Variants in SPAG16 observed in about 807,000 individuals in gnomAD.
SPAG16 encodes sperm-associated antigen 16 protein.
A neutral mutation model predicts 80.4 loss-of-function variants in SPAG16; 86 were observed. The observed-to-expected ratio is 1.07, with a 90% CI of 0.90 to 1.28. The LOEUF is 1.28. Ranked by LOEUF, SPAG16 falls within the 50% of genes most tolerant of loss-of-function variation. The pLI is 0.00. For missense variants in SPAG16, 870 were observed against 765.3 expected (o/e 1.14, Z -1.61); for synonymous variants, 294 against 265.9 (o/e 1.11, Z -1.03).
At chr2:214,176,941 G>T (rs2057106063) in intron 15 of SPAG16, among the ~76,000 whole-genome samples, 1 of 150,744 alleles carries the variant, frequency 6.6e-6, no homozygotes, top group African/African-American at 2.4e-5. Context: ...AGAATTTTAT[G>T]CTAAGCTTTT....
chr2:213,582,204 T>C (rs1003636667), intron 10 of SPAG16, among the ~76,000 whole-genome samples: 2 of 152,148 alleles, frequency 1.3e-5, no homozygotes, highest in African/African-American at 4.8e-5. Context: ...TCCAAAACTT[T>C]TTCTAAGCCT....
chr2:213,407,466 G>T (rs2068676223), intron 9 of SPAG16, among the ~76,000 whole-genome samples: 1 of 152,004 alleles, frequency 6.6e-6, no homozygotes, highest in Non-Finnish European at 1.5e-5. Flanking sequence ...GTGTTGAGGG[G>T]TTGAGCCTTC....
chr2:214,292,788 T>G (rs1693889291), intron 15 of SPAG16, among the ~76,000 whole-genome samples: 1 of 152,232 alleles, frequency 6.6e-6, no homozygotes, highest in South Asian at 2.1e-4. Flanking sequence ...TCCAACTTTT[T>G]AAACTTACTT....
intron 10 of SPAG16, among the ~76,000 whole-genome samples, chr2:213,492,943 A>ATT (rs2074328626): frequency 6.6e-6 from 1 of 152,214 alleles, no homozygotes; most frequent in South Asian, 2.1e-4. Context: ...GGCAGTTATT[A>ATT]TTTTTCTCTC....
At chr2:214,247,144 C>A (rs142009676) in intron 15 of SPAG16, among the ~76,000 whole-genome samples, 288 of 152,104 alleles carry the variant, frequency 1.9e-3, no homozygotes, top group African/African-American at 6.6e-3. Flanking sequence ...TGGCTTTAAT[C>A]CTAGCCTTCT....
At chr2:213,965,340 C>G (rs909553990) in intron 12 of SPAG16, among the ~76,000 whole-genome samples, 3 of 152,156 alleles carry the variant, frequency 2.0e-5, no homozygotes, top group Admixed American at 6.5e-5. Context: ...CATCGTAAGT[C>G]GAGAAGCATC....
At chr2:214,199,896 C>A (rs1362179722) in intron 15 of SPAG16, among the ~76,000 whole-genome samples, 10 of 152,078 alleles carry the variant, frequency 6.6e-5, no homozygotes, top group African/African-American at 2.4e-4. Context: ...ATTTGGGTCG[C>A]AGCTTGGTCA....
In SPAG16 at chr2:213,860,469, C is replaced by CATA. The variant is rs1559529567; in HGVS notation, c.1071-2016_1071-2015insATA. On this transcript the variant is annotated intron_variant, in intron 10 of 15. Transcript: ENST00000331683. ...TATATGTATATATATACAGATATATCTATCTATATATATATATACACACAT... is the reference window on the plus strand; with the variant it reads ...TATATGTATATATATACAGATATATCATATATCTATATATATATATACACACAT... Among the ~76,000 whole-genome samples, 744 of 131,108 alleles carry CATA rather than the reference C, an allele frequency of 5.7e-3. 23 individuals carry two copies. The highest frequency in any genetic ancestry group is 0.019 in the African/African-American group (649 of 34,154). 86.0% of individuals were successfully genotyped at this position (131,108 alleles called of 152,430 possible). A position where few individuals can be genotyped will look rare whatever the true frequency, so the allele number is the denominator to read the frequency against.
chr2:213,976,887 C>G (rs1018393133), intron 12 of SPAG16, among the ~76,000 whole-genome samples: 5 of 151,986 alleles, frequency 3.3e-5, no homozygotes, highest in Non-Finnish European at 7.4e-5. Context: ...TGGCTGACAC[C>G]TTCATTTCAG....
rs138546740 is a variant in SPAG16, at chr2:213,862,517, T to C, written c.1103T>C (p.Val368Ala). 6.2e-7 allele frequency: 1 copy of C among 1,614,138 alleles called. No individual in the cohort carries two copies. Among genetic ancestry groups the C allele is most frequent in the East Asian group, 2.2e-5 (1 of 44,880 alleles). ...ATGCAACCCCACAAAGACATCCTAG[T>C]CTCCTGTGGCGAGGACCGACTCTGG... ...VSMQPHKDILVSCGEDRLWKV... is the reference protein window; with the variant it reads ...VSMQPHKDILASCGEDRLWKV... The change falls in exon 11 of 16, where the codon GTC (valine) becomes GCC (alanine). Residue 368 changes from valine (V) to alanine (A), a missense_variant. Val to Ala is a moderately conservative substitution (Grantham distance 64). Coordinates refer to ENST00000331683, the MANE Select transcript of SPAG16 (RefSeq NM_024532.5).
chr2:214,105,236 A>G (rs1275011185), intron 13 of SPAG16, among the ~76,000 whole-genome samples: 2 of 152,128 alleles, frequency 1.3e-5, no homozygotes, highest in Non-Finnish European at 1.5e-5. Flanking sequence ...CTCTTTAAGA[A>G]GGCAAATAGA....
chr2:213,357,256 T>C (rs1176575099), intron 7 of SPAG16, among the ~76,000 whole-genome samples: 1 of 152,178 alleles, frequency 6.6e-6, no homozygotes, highest in Non-Finnish European at 1.5e-5. Flanking sequence ...GAGAGTTCTG[T>C]AGATGTCTGT....
At chr2:213,921,442 G>C (rs1215429600) in intron 11 of SPAG16, among the ~76,000 whole-genome samples, 1 of 152,074 alleles carries the variant, frequency 6.6e-6, no homozygotes, top group Non-Finnish European at 1.5e-5. Flanking sequence ...TGTGAGATGG[G>C]TCTCTTGAAG....
chr2:213,995,343 T>C (rs2046467469), intron 12 of SPAG16, among the ~76,000 whole-genome samples: 1 of 152,106 alleles, frequency 6.6e-6, no homozygotes, highest in South Asian at 2.1e-4. Flanking sequence ...ATTTAAAGCT[T>C]GAGAGCACCA....
At chr2:213,317,705 C>G in intron 5 of SPAG16, 17 of 989,384 alleles carry the variant, frequency 1.7e-5, no homozygotes, top group Non-Finnish European at 2.0e-5. Context: ...TTATAGAAAG[C>G]CGAGAGGAAA....
rs148482466 is a variant in SPAG16, at chr2:213,928,722, G to T, written c.1215-1238G>T. Among the ~76,000 whole-genome samples the T allele has an allele frequency of 3.3e-5, 5 of 152,224 alleles. No homozygotes were observed. In the East Asian group the frequency reaches 9.7e-4, roughly 29 times the overall value. The stretch of plus-strand genomic sequence containing the variant: ...TTGGTCAGTCATGAGGCTTGGTGCC[G>T]TAGAAACAGAGATGAAATGCAATTC... On this transcript the variant is annotated intron_variant, in intron 11 of 15. Transcript: ENST00000331683.
intron 10 of SPAG16, among the ~76,000 whole-genome samples, chr2:213,653,282 A>G (rs2063093530): frequency 6.6e-6 from 1 of 152,186 alleles, no homozygotes; most frequent in South Asian, 2.1e-4. Flanking sequence ...TCCTAATAGT[A>G]AAAAGGATGA....
At chr2:214,296,698 T>C (rs1694159597) in intron 15 of SPAG16, among the ~76,000 whole-genome samples, 1 of 152,148 alleles carries the variant, frequency 6.6e-6, no homozygotes, top group Non-Finnish European at 1.5e-5. Flanking sequence ...TTTTGAGAAG[T>C]GTCTGTTCAT....
At chr2:214,361,396 A>G (rs1385296902) in intron 15 of SPAG16, among the ~76,000 whole-genome samples, 2 of 151,820 alleles carry the variant, frequency 1.3e-5, no homozygotes, top group African/African-American at 4.8e-5. Flanking sequence ...GCTACATTCT[A>G]CACATAAACA....
Sources: allele counts gnomAD v4.1 joint callset (sites outside exome capture counted in the v4.1 genomes callset), GRCh38; gene constraint gnomAD v4.1.1; transcripts MANE v1.5; gene names NCBI Gene and HGNC (gene_info 2026-07-23, HGNC 2026-07-21).